The following CDH17 variants were observed in gnomAD, a reference collection of about 807,000 sequenced individuals.
The protein encoded by CDH17 is cadherin-17.
A neutral mutation model predicts 86.3 loss-of-function variants in CDH17; 67 were observed. The ratio of observed to expected loss-of-function variants is 0.78; its 90% CI spans 0.64 to 0.95. The LOEUF is 0.95. Ranked by LOEUF, CDH17 falls within the 40% of genes least tolerant of loss-of-function variation. The probability of loss-of-function intolerance (pLI) is 0.00; values close to 1 mark genes in which losing one functional copy is unlikely to be tolerated. For missense variants in CDH17, 993 were observed against 1,017.6 expected (o/e 0.98, Z 0.33); for synonymous variants, 367 against 366.4 (o/e 1.00, Z -0.02).
In CDH17 at chr8:94,148,711, CTTTTTTTTTGTTTT is replaced by C. The variant is rs746743696; in HGVS notation, c.1927+19_1927+32del. 9 of 1,345,934 alleles carry C rather than the reference CTTTTTTTTTGTTTT, an allele frequency of 6.7e-6. No homozygotes were observed. Among genetic ancestry groups the C allele is most frequent in the East Asian group, 2.9e-5 (1 of 34,884 alleles). 83.4% of individuals were successfully genotyped at this position (1,345,934 alleles called of 1,614,324 possible). On this transcript the variant is annotated intron_variant, in intron 14 of 17. Transcript: ENST00000027335. ...ATGTATCTTCTGATAATCTGTGTTC[CTTTTTTTTTGTTTT>C]TTTTTTTTTTTTGCTTACCTACTTC... is the stretch of plus-strand genomic sequence containing the variant.
intron 3 of CDH17, among the ~76,000 whole-genome samples, chr8:94,180,770 C>T (rs1327933358): frequency 6.6e-6 from 1 of 152,078 alleles, no homozygotes; most frequent in African/African-American, 2.4e-5. Context: ...TGGTGGGCAT[C>T]TGTAGTCCCA....
At chr8:94,132,177 C>A (rs1418401770) in intron 15 of CDH17, among the ~76,000 whole-genome samples, 1 of 152,122 alleles carries the variant, frequency 6.6e-6, no homozygotes, top group Non-Finnish European at 1.5e-5. Flanking sequence ...GTTTATAATC[C>A]TTTGGGTATA....
chr8:94,149,500 G>C (rs745686431), intron 13 of CDH17, among the ~76,000 whole-genome samples: 39 of 152,142 alleles, frequency 2.6e-4, no homozygotes, highest in Non-Finnish European at 4.0e-4. Flanking sequence ...GGGCCCTATG[G>C]AATCCAAGAG....
intron 3 of CDH17, among the ~76,000 whole-genome samples, chr8:94,188,917 G>T (rs1219191305): frequency 6.6e-6 from 1 of 152,146 alleles, no homozygotes; most frequent in Non-Finnish European, 1.5e-5. Flanking sequence ...CTCTAGGGGA[G>T]AGGCAGAGCC....
intron 15 of CDH17, among the ~76,000 whole-genome samples, chr8:94,133,283 T>G (rs1159391086): frequency 6.6e-6 from 1 of 152,222 alleles, no homozygotes; most frequent in African/African-American, 2.4e-5. Flanking sequence ...ACATTGATTC[T>G]TCCTGTCCAC....
intron 15 of CDH17, among the ~76,000 whole-genome samples, chr8:94,144,108 G>A (rs1449997307): frequency 1.3e-5 from 2 of 152,098 alleles, no homozygotes; most frequent in Non-Finnish European, 2.9e-5. Flanking sequence ...CCTTTCACCT[G>A]AACACTTACA....
At chr8:94,173,482 C>A (rs1442597268) in intron 7 of CDH17, among the ~76,000 whole-genome samples, 1 of 152,196 alleles carries the variant, frequency 6.6e-6, no homozygotes, top group Non-Finnish European at 1.5e-5. Context: ...TCAACAGAAG[C>A]AGATGCTGGA....
At chr8:94,199,254 T>C (rs78846048) in intron 1 of CDH17, among the ~76,000 whole-genome samples, 4,335 of 151,866 alleles carry the variant, frequency 0.029, 185 homozygotes, top group African/African-American at 0.087. Flanking sequence ...TTACCTAACA[T>C]GGATATCTTA....
chr8:94,194,985 A>T (rs1394645566), intron 1 of CDH17, among the ~76,000 whole-genome samples: 1 of 152,198 alleles, frequency 6.6e-6, no homozygotes, highest in African/African-American at 2.4e-5. Flanking sequence ...AGCGTCTTAA[A>T]TGATGGGCAA....
In CDH17 at chr8:94,170,704, G is replaced by A. The variant is rs888054430; in HGVS notation, c.915+150C>T. On this transcript the variant is annotated intron_variant, in intron 8 of 17. Coordinates refer to ENST00000027335, the MANE Select transcript of CDH17 (RefSeq NM_004063.4). ...AAACTGAGATGGGTCAGAATTATGT[G>A]AAAATTATCATGTCTTTGAAAACCA... 7 of 1,326,320 alleles carry A rather than the reference G, an allele frequency of 5.3e-6. No homozygotes were observed. In the Admixed American group the frequency reaches 1.4e-4, roughly 27 times the overall value. 82.2% of individuals were successfully genotyped at this position (1,326,320 alleles called of 1,614,324 possible).
chr8:94,138,695 G>A lies in CDH17; in HGVS notation c.2167+7233C>T, dbSNP rs371943489. Among the ~76,000 whole-genome samples the A allele has an allele frequency of 1.4e-4, 22 of 152,122 alleles. No homozygotes were observed. The East Asian group carries it at 2.3e-3, about 16-fold the overall frequency. ...ACCTAAAAAGATTAGAGAACACAGC[G>A]CTCACAAAGAGCCAGGAATCATTCC... On this transcript the variant is annotated intron_variant, in intron 15 of 17. Transcript: ENST00000027335.
upstream of CDH17, among the ~76,000 whole-genome samples, chr8:94,211,060 A>C (rs925899006): frequency 6.6e-6 from 1 of 151,790 alleles, no homozygotes; most frequent in Non-Finnish European, 1.5e-5. Flanking sequence ...TGAACAAGTG[A>C]AAGGACTTGG....
intron 12 of CDH17, among the ~76,000 whole-genome samples, chr8:94,154,625 C>T (rs1481556115): frequency 6.6e-6 from 1 of 152,074 alleles, no homozygotes; most frequent in Non-Finnish European, 1.5e-5. Context: ...AAGAGTACTC[C>T]CCCTCTTCAG....
At chr8:94,206,494 G>A (rs1342395188) in intron 1 of CDH17, among the ~76,000 whole-genome samples, 2 of 152,182 alleles carry the variant, frequency 1.3e-5, no homozygotes, top group Non-Finnish European at 2.9e-5. Flanking sequence ...CCAGAGCAAG[G>A]AGCATGACAA....
upstream of CDH17, among the ~76,000 whole-genome samples, chr8:94,212,945 A>G (rs6989467): frequency 0.71 from 108,293 of 152,086 alleles, 39,496 homozygotes; most frequent in African/African-American, 0.84. Flanking sequence ...TTCCAAACTG[A>G]AGTTCACTAA....
At chr8:94,199,072 T>A (rs1321583085) in intron 1 of CDH17, among the ~76,000 whole-genome samples, 1 of 18,562 alleles carries the variant, frequency 5.4e-5, no homozygotes, top group East Asian at 5.6e-4. Context: ...TATATATATA[T>A]ATATATATAT....
At chr8:94,196,885 TG>T (rs1017879964) in intron 1 of CDH17, among the ~76,000 whole-genome samples, 3 of 152,160 alleles carry the variant, frequency 2.0e-5, no homozygotes, top group Admixed American at 2.0e-4. Flanking sequence ...GACTATATGG[TG>T]CTAGCCAGGT....
intron 15 of CDH17, among the ~76,000 whole-genome samples, chr8:94,142,048 G>A (rs557816655): frequency 3.9e-5 from 6 of 152,214 alleles, no homozygotes; most frequent in Non-Finnish European, 7.4e-5. Flanking sequence ...TTTATGTATA[G>A]GTGGTCACTT....
intron 3 of CDH17, among the ~76,000 whole-genome samples, chr8:94,181,542 A>T (rs1239175938): frequency 6.6e-6 from 1 of 152,088 alleles, no homozygotes; most frequent in African/African-American, 2.4e-5. Flanking sequence ...TAAAAACCAA[A>T]GGTCAAAGAA....
Sources: allele counts gnomAD v4.1 joint callset (sites outside exome capture counted in the v4.1 genomes callset), GRCh38; gene constraint gnomAD v4.1.1; transcripts MANE v1.5; gene names NCBI Gene and HGNC (gene_info 2026-07-23, HGNC 2026-07-21).